CES5A: variants seen among roughly 807,000 people sequenced by gnomAD.
CES5A encodes carboxylesterase 5.
In CES5A, 67 loss-of-function variants were observed where a neutral mutation model predicts 62.9. That is an observed-to-expected ratio of 1.07 (90% CI 0.88 to 1.31). The LOEUF (loss-of-function observed/expected upper bound fraction) is 1.31. CES5A is among the 50% of genes most tolerant of loss of function. CES5A has a pLI of 0.00. For missense variants in CES5A, 748 were observed against 708.5 expected, an observed-to-expected ratio of 1.06 and a Z score of -0.63; for synonymous variants, 296 against 280.8, an observed-to-expected ratio of 1.05 and a Z score of -0.54.
At chr16:55,907,095 A>C (rs1421191787) in intron 1 of CES5A, among the ~76,000 whole-genome samples, 1 of 152,248 alleles carries the variant, frequency 6.6e-6, no homozygotes, top group Non-Finnish European at 1.5e-5. Context: ...GATGATGATG[A>C]TGACGATGAT....
At chr16:55,848,912 G>A (rs2033072049) in intron 11 of CES5A, among the ~76,000 whole-genome samples, 1 of 152,118 alleles carries the variant, frequency 6.6e-6, no homozygotes, top group African/African-American at 2.4e-5. Flanking sequence ...TCTGTGTTGT[G>A]AGGATGAAAA....
At chr16:55,854,335 T>C (rs1350371673) in intron 9 of CES5A, among the ~76,000 whole-genome samples, 2 of 151,982 alleles carry the variant, frequency 1.3e-5, no homozygotes, top group Non-Finnish European at 2.9e-5. Flanking sequence ...TTCTGCTCAG[T>C]TGTTCCCCTC....
intron 1 of CES5A, among the ~76,000 whole-genome samples, chr16:55,887,231 G>A (rs967542108): frequency 2.6e-5 from 4 of 151,928 alleles, no homozygotes; most frequent in Admixed American, 6.6e-5. Context: ...CCAGAGCCTA[G>A]GCTCTGTGGA....
At chr16:55,882,216 A>G (rs2033769031) in intron 1 of CES5A, among the ~76,000 whole-genome samples, 1 of 152,174 alleles carries the variant, frequency 6.6e-6, no homozygotes. Context: ...ATATATAACT[A>G]TAAACATACC....
At chr16:55,930,643 T>G (rs1452323579) in intron 2 of CES5A, among the ~76,000 whole-genome samples, 3 of 152,240 alleles carry the variant, frequency 2.0e-5, no homozygotes, top group Admixed American at 6.5e-5. Context: ...CCCAGGCTTT[T>G]CTGACTCCCT....
In CES5A at chr16:55,875,132, C is replaced by T. The variant is rs780268761; in HGVS notation, c.73+17G>A. On this transcript the variant is annotated intron_variant, in intron 1 of 12. Transcript: ENST00000290567. Reference sequence around the variant, plus strand: ...CCCCATCTTCTGAGAGCCCTCCTTTCCCATTGGATATCTCACCTTTGGTGG... The same window carrying T: ...CCCCATCTTCTGAGAGCCCTCCTTTTCCATTGGATATCTCACCTTTGGTGG... 15 of 1,612,380 alleles carry T rather than the reference C, an allele frequency of 9.3e-6. No individual in the cohort carries two copies. In the South Asian group the frequency reaches 1.6e-4, roughly 18 times the overall value.
In CES5A at chr16:55,846,673, A is replaced by C. The variant is rs1438714217; in HGVS notation, c.1506T>G (p.Asn502Lys). The part of the protein sequence containing the change: ...WATFARTGNP[N>K]GNDLSLWPAY... ...CTGGCCACAGAGACAGGTCGTTCCC[A>C]TTAGGATTCCTAGAAGGGAGAGCAG... is the stretch of plus-strand genomic sequence containing the variant. The change falls in exon 13 of 13, where the codon AAT becomes AAG. Residue 502 changes from asparagine to lysine, a missense_variant. Coordinates refer to ENST00000290567, the MANE Select transcript of CES5A (RefSeq NM_001143685.2). The C allele has an allele frequency of 3.1e-6, 5 of 1,613,898 alleles. No homozygotes were observed. In the African/African-American group the frequency reaches 6.7e-5, roughly 22 times the overall value.
chr16:55,925,109 C>T (rs2034245066), intron 1 of CES5A, among the ~76,000 whole-genome samples: 1 of 151,956 alleles, frequency 6.6e-6, no homozygotes, highest in Non-Finnish European at 1.5e-5. Flanking sequence ...TATTTGTAAA[C>T]TCTCAACCGA....
chr16:55,950,195 C>A (rs74804084), intron 1 of CES5A, among the ~76,000 whole-genome samples: 1,718 of 152,158 alleles, frequency 0.011, 52 homozygotes, highest in East Asian at 0.099. Flanking sequence ...GCAGCAGGAG[C>A]ACCCAAGGAT....
intron 1 of CES5A, among the ~76,000 whole-genome samples, chr16:55,955,614 G>A (rs1186845711): frequency 2.6e-5 from 4 of 152,196 alleles, no homozygotes; most frequent in African/African-American, 4.8e-5. Context: ...CTCTAAGACA[G>A]GGCAGAGTCA....
chr16:55,855,269 G>A (rs144056351), intron 9 of CES5A, among the ~76,000 whole-genome samples: 405 of 152,260 alleles, frequency 2.7e-3, no homozygotes, highest in South Asian at 0.025. Context: ...AATGAACATC[G>A]GCACTGAGTC....
upstream of CES5A, among the ~76,000 whole-genome samples, chr16:55,878,626 C>G (rs541952226): frequency 1.7e-4 from 24 of 145,358 alleles, no homozygotes; most frequent in African/African-American, 5.2e-4. Context: ...TGCACCCCAC[C>G]ACTGCACCCC....
At chr16:55,942,616 C>G (rs1189093282) in intron 2 of CES5A, among the ~76,000 whole-genome samples, 1 of 152,166 alleles carries the variant, frequency 6.6e-6, no homozygotes, top group East Asian at 1.9e-4. Context: ...ATTTGGATAT[C>G]TATTCAGCAG....
chr16:55,924,733 A>G (rs906952398), intron 1 of CES5A, among the ~76,000 whole-genome samples: 7 of 151,996 alleles, frequency 4.6e-5, no homozygotes, highest in Non-Finnish European at 1.0e-4. Flanking sequence ...ACATAGACCA[A>G]TGAAACAGAG....
intron 4 of CES5A, among the ~76,000 whole-genome samples, chr16:55,868,243 T>C (rs547052600): frequency 1.3e-5 from 2 of 152,328 alleles, no homozygotes; most frequent in African/African-American, 4.8e-5. Context: ...ATAGAGCAGC[T>C]AGAAGTGTAA....
At chr16:55,900,670 G>A (rs1252916446) in intron 1 of CES5A, among the ~76,000 whole-genome samples, 1 of 152,124 alleles carries the variant, frequency 6.6e-6, no homozygotes, top group Non-Finnish European at 1.5e-5. Context: ...TTGTCCAGAG[G>A]GAAAAAAGCA....
chr16:55,897,300 G>A (rs141409676), intron 1 of CES5A, among the ~76,000 whole-genome samples: 1 of 152,222 alleles, frequency 6.6e-6, no homozygotes, highest in Non-Finnish European at 1.5e-5. Context: ...GGAAGCCAGG[G>A]GCAGGGGGAG....
chr16:55,911,295 A>C (rs1395251799), intron 1 of CES5A, among the ~76,000 whole-genome samples: 2 of 152,232 alleles, frequency 1.3e-5, no homozygotes, highest in African/African-American at 4.8e-5. Flanking sequence ...TGAGTGAAGT[A>C]GAAGCTGCCC....
At chr16:55,950,460 T>C (rs1386884513) in intron 1 of CES5A, among the ~76,000 whole-genome samples, 2 of 152,124 alleles carry the variant, frequency 1.3e-5, no homozygotes, top group African/African-American at 4.8e-5. Context: ...ACTTGAGTAC[T>C]GAAATTTTAA....
Sources: allele counts gnomAD v4.1 joint callset (sites outside exome capture counted in the v4.1 genomes callset), GRCh38; gene constraint gnomAD v4.1.1; transcripts MANE v1.5; gene names NCBI Gene and HGNC (gene_info 2026-07-23, HGNC 2026-07-21).